MYO6: variants seen among roughly 807,000 people sequenced by gnomAD.
The protein encoded by MYO6 is myosin VI, also known as unconventional myosin-VI.
A neutral mutation model predicts 178.7 loss-of-function variants in MYO6; 74 were observed. That is an observed-to-expected ratio of 0.41 (90% confidence interval 0.34 to 0.50). The LOEUF (loss-of-function observed/expected upper bound fraction) is 0.50, where lower values mean the gene tolerates loss of function less well. MYO6 is among the 20% of genes least tolerant of loss of function. The pLI, the probability that MYO6 is intolerant of heterozygous loss-of-function variation, is 0.09. For synonymous variants in MYO6, 477 were observed against 504.6 expected (o/e 0.95, Z 0.73); for missense variants, 1,330 against 1,547.4 (o/e 0.86, Z 2.36).
intron 1 of MYO6, among the ~76,000 whole-genome samples, chr6:75,749,771 C>G (rs1292513117): frequency 6.6e-6 from 1 of 152,170 alleles, no homozygotes; most frequent in African/African-American, 2.4e-5. Flanking sequence ...TGTAAACACG[C>G]TTAAAATTCA....
intron 19 of MYO6, 99 bp from the exon 20 acceptor site, chr6:75,873,108 T>C: frequency 1.1e-6 from 1 of 921,080 alleles, no homozygotes; most frequent in Non-Finnish European, 1.8e-6. Flanking sequence ...CAGGTTCATA[T>C]GTTAATGTTA....
At chr6:75,814,840 C>A in intron 1 of MYO6, among the ~76,000 whole-genome samples, 1 of 150,318 alleles carries the variant, frequency 6.7e-6, no homozygotes. Flanking sequence ...GCACTATGGC[C>A]TGGGTGATAG....
chr6:75,760,082 G>T (rs964572471), intron 1 of MYO6, among the ~76,000 whole-genome samples: 3 of 152,148 alleles, frequency 2.0e-5, no homozygotes, highest in African/African-American at 7.2e-5. Flanking sequence ...GACAGCAAGA[G>T]CACTAGAACA....
chr6:75,867,017 A>T lies in MYO6; in HGVS notation c.1856A>T (p.Glu619Val), dbSNP rs912585713. ...ICESRDKFIR[E>V]LFESSTNNNK... ...GAATCCAGAGATAAGTTTATACGGG[A>T]ATTATTTGAATCATCCACAAATAAC... The change falls in exon 18 of 35, where the codon GAA (glutamate) becomes GTA (valine). Residue 619 changes from glutamate to valine, a missense_variant. By Grantham distance (121) the Glu-to-Val change is moderately radical (BLOSUM62 -2). Around this residue, in one of 3 missense-constraint regions of MYO6, gnomAD observed 613 missense variants for 816.8 expected, o/e 0.75. Coordinates refer to ENST00000369977, the MANE Select transcript of MYO6 (RefSeq NM_004999.4). 1.2e-5 allele frequency: 19 copies of T among 1,613,508 alleles called. No homozygotes were observed. Among genetic ancestry groups the T allele is most frequent in the Admixed American group, 1.7e-5 (1 of 59,990 alleles).
At chr6:75,858,793 T>C (rs1485290893) in intron 13 of MYO6, 109 bp from the exon 14 acceptor site, 5 of 708,732 alleles carry the variant, frequency 7.1e-6, no homozygotes, top group Non-Finnish European at 1.2e-5. Context: ...AATATACAAA[T>C]TTAACCTAAT....
intron 1 of MYO6, among the ~76,000 whole-genome samples, chr6:75,751,560 C>G (rs1776895867): frequency 6.6e-6 from 1 of 151,970 alleles, no homozygotes. Context: ...TAAATCATAA[C>G]CAGTAGGGAT....
Position 75,866,632 on chromosome 6 carries a change from CT to C in MYO6, c.1770+15del. On this transcript the variant is annotated intron_variant, in intron 17 of 34. Coordinates refer to ENST00000369977, the MANE Select transcript of MYO6 (RefSeq NM_004999.4). ...GTGTGCTATGAAACAGTGAGTATAA[CT>C]TTTACAAGGAGAAAACCATTTCATG... The C allele has an allele frequency of 1.2e-6, 2 of 1,605,228 alleles. No individual in the cohort carries two copies. Among genetic ancestry groups the C allele is most frequent in the Non-Finnish European group, 1.7e-6 (2 of 1,171,938 alleles).
intron 25 of MYO6, among the ~76,000 whole-genome samples, chr6:75,888,582 C>T (rs1418862977): frequency 1.3e-5 from 2 of 151,402 alleles, no homozygotes; most frequent in Non-Finnish European, 2.9e-5. Context: ...GCACTCCAGC[C>T]TGGGTGACAG....
chr6:75,849,490 G>T (rs1775053268), intron 11 of MYO6, among the ~76,000 whole-genome samples: 1 of 152,126 alleles, frequency 6.6e-6, no homozygotes, highest in Admixed American at 6.5e-5. Flanking sequence ...CCATGAGAAG[G>T]ACTTTTAAAG....
At chr6:75,806,241 G>A (rs1770074549) in intron 1 of MYO6, among the ~76,000 whole-genome samples, 1 of 152,012 alleles carries the variant, frequency 6.6e-6, no homozygotes, top group African/African-American at 2.4e-5. Flanking sequence ...AAAAAAATTA[G>A]CTGGATGTGG....
intron 20 of MYO6, among the ~76,000 whole-genome samples, chr6:75,877,055 G>A (rs938128696): frequency 2.6e-5 from 4 of 151,354 alleles, no homozygotes; most frequent in Non-Finnish European, 5.9e-5. Context: ...GCTCACCACC[G>A]TAAGCTCCGC....
At chr6:75,880,021 C>T in intron 21 of MYO6, 22 bp from the exon 22 acceptor site, 1 of 1,613,142 alleles carries the variant, frequency 6.2e-7, no homozygotes, top group Non-Finnish European at 8.5e-7. Flanking sequence ...TGACATTTAA[C>T]TTTTTAACTT....
intron 2 of MYO6, among the ~76,000 whole-genome samples, chr6:75,819,287 C>T (rs904431439): frequency 6.6e-6 from 1 of 152,134 alleles, no homozygotes; most frequent in Admixed American, 6.5e-5. Flanking sequence ...ATTTTCCTCC[C>T]TACTTTCTGA....
chr6:75,762,836 A>G (rs1323682455), intron 1 of MYO6, among the ~76,000 whole-genome samples: 1 of 152,180 alleles, frequency 6.6e-6, no homozygotes, highest in Non-Finnish European at 1.5e-5. Context: ...TATGTGCCTT[A>G]AGCAAATGTA....
chr6:75,834,052 G>C lies in MYO6; in HGVS notation c.497+1105G>C, dbSNP rs529428245. On this transcript the variant is annotated intron_variant, in intron 6 of 34. Transcript: ENST00000369977. ...TATTCCTTAAGAATCTCACATTTAC[G>C]TTCTGTCTATATTTCTGTTGTTAGC... is the stretch of plus-strand genomic sequence containing the variant. 3.3e-5 allele frequency among the ~76,000 whole-genome samples: 5 copies of C among 152,208 alleles called. No homozygotes were observed. In the East Asian group the frequency reaches 9.7e-4, roughly 29 times the overall value.
rs990779106 is a variant in MYO6, at chr6:75,792,533, G to A, written c.-47-24968G>A. Among the ~76,000 whole-genome samples, 9 of 151,862 alleles carry A rather than the reference G, an allele frequency of 5.9e-5. 1 individual carries two copies. The highest frequency in any genetic ancestry group is 4.2e-4 in the South Asian group (2 of 4,816). Reference sequence around the variant, plus strand: ...TTTAGAGTGGTAGAGCTTCTTTGACGTTTCCTATTTCTACCTCTGCTTGTA... The same window carrying A: ...TTTAGAGTGGTAGAGCTTCTTTGACATTTCCTATTTCTACCTCTGCTTGTA... On this transcript the variant is annotated intron_variant, in intron 1 of 34. Transcript: ENST00000369977.
Position 75,914,202 on chromosome 6 carries a change from G to A in MYO6, c.3579G>A (p.Trp1193Ter). ...CTCAGAGTAAGAAAAAAGGCTGGTG[G>A]TATGCCCATTTTGATGGACCATGGA... is the stretch of plus-strand genomic sequence containing the variant. ...KDPQSKKKGW[W>*]YAHFDGPWIA... Residue 1193 changes from tryptophan to a stop codon, truncating the protein, a stop_gained, in exon 34 of 35, where the codon TGG becomes TGA. Transcript: ENST00000369977. LOFTEE classifies it high-confidence loss of function. The A allele has an allele frequency of 6.2e-7, 1 of 1,614,158 alleles. No homozygotes were observed. Among genetic ancestry groups the A allele is most frequent in the Non-Finnish European group, 8.5e-7 (1 of 1,180,022 alleles).
chr6:75,765,158 T>TA (rs1199049640), intron 1 of MYO6, among the ~76,000 whole-genome samples: 126 of 105,370 alleles, frequency 1.2e-3, no homozygotes, highest in Non-Finnish European at 2.0e-3. Flanking sequence ...AGGCTATGAC[T>TA]AAAAAAAAAA....
At chr6:75,756,153 A>C (rs1197830972) in intron 1 of MYO6, among the ~76,000 whole-genome samples, 1 of 151,936 alleles carries the variant, frequency 6.6e-6, no homozygotes, top group Non-Finnish European at 1.5e-5. Flanking sequence ...CTAGCTACTC[A>C]GGCGGCTGAG....
Sources: allele counts gnomAD v4.1 joint callset (sites outside exome capture counted in the v4.1 genomes callset), GRCh38; gene constraint gnomAD v4.1.1; regional missense constraint gnomAD v4.1.1; transcripts MANE v1.5; gene names NCBI Gene and HGNC (gene_info 2026-07-23, HGNC 2026-07-21).